DYNC2H1: variants seen among roughly 807,000 people sequenced by gnomAD.
The protein encoded by DYNC2H1 is cytoplasmic dynein 2 heavy chain 1.
DYNC2H1 carries 410 observed loss-of-function variants against 570.0 expected under a neutral mutation model. That is an observed-to-expected ratio of 0.72 (90% confidence interval 0.66 to 0.78). The LOEUF is 0.78. Ranked by LOEUF, DYNC2H1 falls within the 30% of genes least tolerant of loss-of-function variation. The pLI is 0.00. For missense variants in DYNC2H1, 4,865 were observed against 5,046.4 expected (o/e 0.96, Z 1.09); for synonymous variants, 1,688 against 1,677.6 (o/e 1.01, Z -0.15).
At chr11:103,361,948 G>A (rs1458917433) in intron 83 of DYNC2H1, among the ~76,000 whole-genome samples, 2 of 152,186 alleles carry the variant, frequency 1.3e-5, no homozygotes, top group African/African-American at 4.8e-5. Flanking sequence ...GTGGTCACTG[G>A]TGACCTTGAC....
chr11:103,421,818 A>G (rs72985461), intron 84 of DYNC2H1, among the ~76,000 whole-genome samples: 8,312 of 152,220 alleles, frequency 0.055, 282 homozygotes, highest in Non-Finnish European at 0.079. Context: ...AAGAGCAAAC[A>G]AACTGCAAAG....
rs148943955 is a variant in DYNC2H1, at chr11:103,189,210, C to CT, written c.7293-452dup. Reference sequence around the variant, plus strand: ...TGCTAATTGTACTCCATCAATTAAACTTTTTTTTTTCTAGAAATATTCCTG... The same window carrying CT: ...TGCTAATTGTACTCCATCAATTAAACTTTTTTTTTTTCTAGAAATATTCCTG... On this transcript the variant is annotated intron_variant, in intron 44 of 88. Transcript: ENST00000375735. This position sits in a 1 kb window ranked among gnomAD's most constrained non-coding sequence, Gnocchi z 4.3. 0.012 allele frequency among the ~76,000 whole-genome samples: 1,752 copies of CT among 149,730 alleles called. 34 individuals carry two copies. The highest frequency in any genetic ancestry group is 0.041 in the African/African-American group (1,663 of 40,900).
intron 79 of DYNC2H1, among the ~76,000 whole-genome samples, chr11:103,312,873 C>A (rs11225697): frequency 0.17 from 26,214 of 152,048 alleles, 2,420 homozygotes; most frequent in Admixed American, 0.26. Context: ...TGTCTGCTTC[C>A]TCAGTCTATA....
At position 103,153,439 on chromosome 11, in the gene DYNC2H1, A is replaced by T. The variant is rs1180628670; in HGVS notation, c.3233A>T (p.Lys1078Ile). ...ACTGGCCAACATAATACTCTTGATA[A>T]AAGTGCAAAGTTAATAAAAGAGAAA... ...IETGQHNTLD[K>I]SAKLIKEKKI... The change falls in exon 22 of 89, where the codon AAA becomes ATA. Residue 1078 changes from lysine (K) to isoleucine (I), a missense_variant. Lys to Ile is a moderately radical substitution (Grantham distance 102). Transcript: ENST00000375735. 6.4e-7 allele frequency: 1 copy of T among 1,568,622 alleles called. No homozygotes were observed. The highest frequency in any genetic ancestry group is 1.7e-4 in the Middle Eastern group (1 of 5,990).
rs1235080471 is a variant in DYNC2H1, at chr11:103,191,465, T to G, written c.7438-52T>G. 8.0e-6 allele frequency: 11 copies of G among 1,381,652 alleles called. No homozygotes were observed. The East Asian group carries it at 2.2e-4, about 28-fold the overall frequency. The allele number at this position is 1,381,652 out of a possible 1,614,324, so 85.6% of individuals were successfully genotyped here. The stretch of plus-strand genomic sequence containing the variant: ...TAAGGAGACTGAAAAATTTATAACA[T>G]GATTATTATTTAAGGCAGTAGAAAG... On this transcript the variant is annotated intron_variant, in intron 45 of 88. Transcript: ENST00000375735.
rs1404896887 is a variant in DYNC2H1, at chr11:103,455,258, G to T, written c.12529G>T (p.Asp4177Tyr). ...TLDLSELFHPDTFLNALRQET... is the reference protein window; with the variant it reads ...TLDLSELFHPYTFLNALRQET... ...TGACCTATCAGAACTTTTCCATCCA[G>T]ACACATTTCTTAATGCTCTTCGCCA... The change falls in exon 86 of 89, where the codon GAC (aspartate) becomes TAC (tyrosine). Residue 4177 changes from aspartate (D) to tyrosine (Y), a missense_variant. Physicochemically the swap from Asp to Tyr is radical, Grantham distance 160 (BLOSUM62 -3). Coordinates refer to ENST00000375735, the MANE Select transcript of DYNC2H1 (RefSeq NM_001377.3). 6.2e-7 allele frequency: 1 copy of T among 1,613,384 alleles called. No individual in the cohort carries two copies. The highest frequency in any genetic ancestry group is 1.1e-5 in the South Asian group (1 of 91,062).
chr11:103,175,297 C>T (rs974372227), intron 36 of DYNC2H1, among the ~76,000 whole-genome samples: 4 of 152,132 alleles, frequency 2.6e-5, no homozygotes, highest in Admixed American at 1.3e-4. Context: ...TTAAAAATGG[C>T]ATCTACATTA....
chr11:103,414,774 C>T (rs1322531072), intron 84 of DYNC2H1, among the ~76,000 whole-genome samples: 1 of 152,154 alleles, frequency 6.6e-6, no homozygotes, highest in Non-Finnish European at 1.5e-5. Flanking sequence ...AGTGAACTCC[C>T]ATTCACAATT....
intron 1 of DYNC2H1, 22 bp downstream of exon 1, chr11:103,109,791 C>A (rs1858022817): frequency 6.3e-7 from 1 of 1,595,770 alleles, no homozygotes; most frequent in Non-Finnish European, 8.6e-7. Context: ...TGCACTCCTG[C>A]CTGACCCCTG....
intron 35 of DYNC2H1, among the ~76,000 whole-genome samples, 181 bp from the exon 36 acceptor site, chr11:103,173,874 G>A (rs184960751): frequency 8.5e-5 from 13 of 152,196 alleles, no homozygotes; most frequent in Admixed American, 2.6e-4. Context: ...CTTGAGAACC[G>A]TCCATCTTTA....
chr11:103,233,739 T>C lies in DYNC2H1; in HGVS notation c.9441-295T>C, dbSNP rs184919102. On this transcript the variant is annotated intron_variant, in intron 60 of 88. Coordinates refer to ENST00000375735, the MANE Select transcript of DYNC2H1 (RefSeq NM_001377.3). ...AAGACAGATGGGATGTTTAGGACAG[T>C]GCCTTGAATGCCGTATTGGCAAATT... Among the ~76,000 whole-genome samples the C allele has an allele frequency of 2.5e-3, 378 of 152,036 alleles. 1 individual carries two copies. The highest frequency in any genetic ancestry group is 4.1e-3 in the Non-Finnish European group (279 of 67,914).
At chr11:103,300,028 A>G (rs1866982637) in intron 75 of DYNC2H1, among the ~76,000 whole-genome samples, 1 of 151,992 alleles carries the variant, frequency 6.6e-6, no homozygotes, top group African/African-American at 2.4e-5. Context: ...CTCATAAAAG[A>G]AAGGTAATTT....
Position 103,163,249 on chromosome 11 carries a change from T to C in DYNC2H1, c.4611+102T>C. Reference sequence around the variant, plus strand: ...GATAAATCGCATCTGTTTTCTCCCTTTATCTAACAGTTAACGGACAAATTG... The same window carrying C: ...GATAAATCGCATCTGTTTTCTCCCTCTATCTAACAGTTAACGGACAAATTG... On this transcript the variant is annotated intron_variant, in intron 30 of 88. Coordinates refer to ENST00000375735, the MANE Select transcript of DYNC2H1 (RefSeq NM_001377.3). The surrounding 1 kb of genome is among the most constrained non-coding windows in gnomAD (Gnocchi z 4.6). 7.5e-7 allele frequency: 1 copy of C among 1,339,302 alleles called. No homozygotes were observed. Among genetic ancestry groups the C allele is most frequent in the Non-Finnish European group, 1.0e-6 (1 of 1,002,746 alleles). 83.0% of individuals were successfully genotyped at this position (1,339,302 alleles called of 1,614,324 possible).
chr11:103,195,048 ATG>A (rs1458124932), intron 47 of DYNC2H1, among the ~76,000 whole-genome samples: 1 of 152,154 alleles, frequency 6.6e-6, no homozygotes. Context: ...TTTTGAGAAT[ATG>A]TGTATATTAG....
intron 22 of DYNC2H1, 67 bp from the exon 23 acceptor site, chr11:103,154,382 CTT>C (rs1269300645): frequency 2.9e-6 from 4 of 1,362,202 alleles, no homozygotes; most frequent in Admixed American, 6.2e-5. Flanking sequence ...AGTTAAGTAA[CTT>C]AATGATACTT....
At chr11:103,202,873 T>G (rs927036215) in intron 50 of DYNC2H1, among the ~76,000 whole-genome samples, 4 of 152,200 alleles carry the variant, frequency 2.6e-5, no homozygotes, top group African/African-American at 9.6e-5. Context: ...GCCCTCTATC[T>G]TTAAGTCTGT....
intron 84 of DYNC2H1, among the ~76,000 whole-genome samples, chr11:103,413,910 A>ACT (rs1245022907): frequency 6.6e-6 from 1 of 152,212 alleles, no homozygotes; most frequent in East Asian, 1.9e-4. Context: ...AGAGATTTTA[A>ACT]CTTCCAGAGC....
At chr11:103,414,617 G>A (rs959175163) in intron 84 of DYNC2H1, among the ~76,000 whole-genome samples, 5 of 152,130 alleles carry the variant, frequency 3.3e-5, no homozygotes, top group African/African-American at 1.2e-4. Context: ...TGACATGGTT[G>A]TAGATTTAGA....
intron 80 of DYNC2H1, 80 bp from the exon 81 acceptor site, chr11:103,320,949 A>G: frequency 9.6e-7 from 1 of 1,045,326 alleles, no homozygotes; most frequent in South Asian, 1.6e-5. Flanking sequence ...ATTTGGCTAC[A>G]TGTTATAAAT....
Sources: gnomAD v4.1 joint callset for allele counts (sites outside exome capture counted in the v4.1 genomes callset) on GRCh38, gnomAD v4.1.1 for gene constraint, Gnocchi (gnomAD v3.1) non-coding constraint, MANE v1.5 for transcripts, NCBI Gene and HGNC (gene_info 2026-07-23, HGNC 2026-07-21) for gene names.